Variants in MSRB3 observed in about 807,000 individuals in gnomAD.
The protein encoded by MSRB3 is methionine-R-sulfoxide reductase B3.
In MSRB3, 13 loss-of-function variants were observed where a neutral mutation model predicts 21.0. That is an observed-to-expected ratio of 0.62 (90% CI 0.40 to 0.98). The LOEUF (loss-of-function observed/expected upper bound fraction) is 0.98, where lower values mean the gene tolerates loss of function less well. MSRB3 is among the 50% of genes least tolerant of loss of function. The pLI, the probability that MSRB3 is intolerant of heterozygous loss-of-function variation, is 0.00. For synonymous variants in MSRB3, 87 were observed against 88.6 expected (o/e 0.98, Z 0.10); for missense variants, 199 against 230.3 (o/e 0.86, Z 0.88).
rs1871819343 is a variant in MSRB3 at position 65,278,842 on chromosome 12, C to T, written c.-75C>T. ...CTCTGCCTCTGCCTCTGCCTGGCCGCGGCTCTGGGAAGTGCGCAGTCCGGT... is the reference window on the plus strand; with the variant it reads ...CTCTGCCTCTGCCTCTGCCTGGCCGTGGCTCTGGGAAGTGCGCAGTCCGGT... On this transcript the variant is annotated 5_prime_UTR_variant, in exon 1 of 7. Coordinates refer to ENST00000308259, the MANE Select transcript of MSRB3 (RefSeq NM_001031679.3). 5 of 1,564,516 alleles carry T rather than the reference C, an allele frequency of 3.2e-6. No homozygotes were observed. Among genetic ancestry groups the T allele is most frequent in the Non-Finnish European group, 2.6e-6 (3 of 1,154,376 alleles).
intron 5 of MSRB3, among the ~76,000 whole-genome samples, chr12:65,381,863 C>T (rs550041465): frequency 1.3e-4 from 19 of 151,868 alleles, no homozygotes; most frequent in African/African-American, 3.9e-4. Context: ...ATATTGTATT[C>T]GATGTTGCAA....
chr12:65,407,923 C>T (rs1880506017), intron 5 of MSRB3, among the ~76,000 whole-genome samples: 1 of 149,640 alleles, frequency 6.7e-6, no homozygotes, highest in Admixed American at 6.6e-5. Context: ...GTTTCCATTG[C>T]TTTGCTTACA....
At chr12:65,408,468 A>G (rs1880538381) in intron 5 of MSRB3, among the ~76,000 whole-genome samples, 1 of 152,122 alleles carries the variant, frequency 6.6e-6, no homozygotes. Flanking sequence ...GTGAAGTTTC[A>G]TGTTTATCTG....
chr12:65,400,232 T>C (rs1880048117), intron 5 of MSRB3, among the ~76,000 whole-genome samples: 1 of 151,132 alleles, frequency 6.6e-6, no homozygotes, highest in Non-Finnish European at 1.5e-5. Flanking sequence ...CATCTGGTCC[T>C]GGGCTTTTTT....
At chr12:65,338,355 A>C (rs1875919777) in intron 4 of MSRB3, among the ~76,000 whole-genome samples, 1 of 152,196 alleles carries the variant, frequency 6.6e-6, no homozygotes, top group African/African-American at 2.4e-5. Context: ...AATGTAGTCA[A>C]ATGTAGTTAA....
intron 4 of MSRB3, among the ~76,000 whole-genome samples, chr12:65,359,749 G>C (rs573071070): frequency 7.9e-5 from 12 of 152,222 alleles, no homozygotes; most frequent in African/African-American, 2.6e-4. Flanking sequence ...ATGAGGAGTA[G>C]GGAAGTAAAA....
chr12:65,402,198 A>C (rs972874310), intron 5 of MSRB3, among the ~76,000 whole-genome samples: 2 of 152,118 alleles, frequency 1.3e-5, no homozygotes, highest in Non-Finnish European at 2.9e-5. Flanking sequence ...TATTTTCCTG[A>C]AGAGTGTTTT....
intron 5 of MSRB3, among the ~76,000 whole-genome samples, chr12:65,428,529 G>A (rs1881719630): frequency 6.6e-6 from 1 of 152,094 alleles, no homozygotes; most frequent in Non-Finnish European, 1.5e-5. Flanking sequence ...TGGGCATTGA[G>A]TATATATGGT....
chr12:65,436,927 T>A (rs1202631071), intron 5 of MSRB3, among the ~76,000 whole-genome samples: 1 of 151,928 alleles, frequency 6.6e-6, no homozygotes, highest in East Asian at 1.9e-4. Context: ...AGGTACATAA[T>A]AATCTCTAAA....
intron 4 of MSRB3, among the ~76,000 whole-genome samples, chr12:65,329,461 C>T (rs1332298596): frequency 1.3e-5 from 2 of 151,814 alleles, no homozygotes; most frequent in East Asian, 1.9e-4. Context: ...ATTAGCCTGG[C>T]CAACATGGTG....
intron 4 of MSRB3, among the ~76,000 whole-genome samples, chr12:65,357,336 C>G (rs1000231396): frequency 2.0e-4 from 31 of 151,984 alleles, no homozygotes; most frequent in Admixed American, 6.6e-4. Context: ...TCCGCTTTGA[C>G]CTGAACTATT....
At chr12:65,417,806 C>G (rs1373410879) in intron 5 of MSRB3, among the ~76,000 whole-genome samples, 2 of 152,134 alleles carry the variant, frequency 1.3e-5, no homozygotes, top group Non-Finnish European at 2.9e-5. Flanking sequence ...GTTCAAATGA[C>G]AGGATTTTCT....
At chr12:65,436,141 T>G (rs1882104536) in intron 5 of MSRB3, among the ~76,000 whole-genome samples, 1 of 151,810 alleles carries the variant, frequency 6.6e-6, no homozygotes, top group African/African-American at 2.4e-5. Flanking sequence ...TCCATGAATT[T>G]CGATGGGAAA....
chr12:65,374,974 C>G (rs1300040754), intron 5 of MSRB3, among the ~76,000 whole-genome samples: 2 of 150,886 alleles, frequency 1.3e-5, no homozygotes, highest in African/African-American at 4.9e-5. Context: ...TTCAGCCTCT[C>G]GAGTAGCCGG....
intron 4 of MSRB3, among the ~76,000 whole-genome samples, chr12:65,349,424 A>G (rs1418280265): frequency 1.7e-4 from 25 of 147,714 alleles, no homozygotes; most frequent in African/African-American, 3.5e-4. Context: ...GTATATACCC[A>G]GTAATGGGAT....
intron 1 of MSRB3, among the ~76,000 whole-genome samples, chr12:65,287,313 A>G (rs373212632): frequency 1.3e-5 from 2 of 151,902 alleles, no homozygotes; most frequent in South Asian, 2.1e-4. Context: ...ATTTATGTAG[A>G]GATAGGGTCT....
intron 2 of MSRB3, among the ~76,000 whole-genome samples, chr12:65,312,510 G>T (rs957049295): frequency 1.3e-5 from 2 of 151,968 alleles, no homozygotes; most frequent in Non-Finnish European, 2.9e-5. Flanking sequence ...AATAAAATTT[G>T]TCTAAATAGT....
chr12:65,308,728 A>AC, intron 2 of MSRB3, 73 bp downstream of exon 2: 1 of 1,600,570 alleles, frequency 6.2e-7, no homozygotes, highest in Middle Eastern at 1.7e-4. Flanking sequence ...GAAATGATAC[A>AC]CCATCATGCT....
At chr12:65,456,442 G>A (rs1039357300) in intron 6 of MSRB3, among the ~76,000 whole-genome samples, 3 of 152,154 alleles carry the variant, frequency 2.0e-5, no homozygotes, top group Admixed American at 1.3e-4. Flanking sequence ...GTCTAGGAAA[G>A]ATCATTATGA....
Sources: gnomAD v4.1 joint callset for allele counts (sites outside exome capture counted in the v4.1 genomes callset) on GRCh38, gnomAD v4.1.1 for gene constraint, MANE v1.5 for transcripts, NCBI Gene and HGNC (gene_info 2026-07-23, HGNC 2026-07-21) for gene names.